SLC6A11: variants seen among roughly 807,000 people sequenced by gnomAD.
The protein encoded by SLC6A11 is sodium- and chloride-dependent GABA transporter 3.
A neutral mutation model predicts 74.8 loss-of-function variants in SLC6A11; 25 were observed. The observed-to-expected ratio is 0.33, with a 90% confidence interval of 0.24 to 0.47. The LOEUF is 0.47. Among genes scored for constraint, SLC6A11 ranks in the 20% least tolerant of loss-of-function variants. The pLI is 1.00. For missense variants in SLC6A11, 574 were observed against 837.0 expected, an observed-to-expected ratio of 0.69 and a Z score of 3.88; for synonymous variants, 330 against 330.2, an observed-to-expected ratio of 1.00 and a Z score of 0.01.
At chr3:10,821,825 A>G (rs893206544) in intron 3 of SLC6A11, among the ~76,000 whole-genome samples, 5 of 152,046 alleles carry the variant, frequency 3.3e-5, no homozygotes, top group African/African-American at 1.2e-4. Flanking sequence ...TAACTCTAGG[A>G]AGAAAAAATA....
chr3:10,908,500 A>C (rs1055731849), intron 6 of SLC6A11, among the ~76,000 whole-genome samples: 1 of 152,180 alleles, frequency 6.6e-6, no homozygotes, highest in African/African-American at 2.4e-5. Flanking sequence ...ATTTGAGAAC[A>C]TACCCTTAAA....
intron 5 of SLC6A11, among the ~76,000 whole-genome samples, chr3:10,853,142 G>T (rs1317669087): frequency 6.6e-6 from 1 of 152,200 alleles, no homozygotes; most frequent in Non-Finnish European, 1.5e-5. Flanking sequence ...GGATGATTGA[G>T]TCGGGTGAGC....
chr3:10,838,145 G>T (rs997985978), intron 4 of SLC6A11, among the ~76,000 whole-genome samples: 9 of 152,352 alleles, frequency 5.9e-5, no homozygotes, highest in Non-Finnish European at 1.3e-4. Context: ...CCCCAGGCTG[G>T]GCTGGGACCT....
At chr3:10,867,930 C>T (rs957280653) in intron 5 of SLC6A11, among the ~76,000 whole-genome samples, 1 of 152,130 alleles carries the variant, frequency 6.6e-6, no homozygotes, top group East Asian at 1.9e-4. Flanking sequence ...AGTTACTTTC[C>T]ATTTGCAGTA....
intron 10 of SLC6A11, 61 bp from the exon 11 acceptor site, chr3:10,933,090 G>T: frequency 8.3e-7 from 1 of 1,198,244 alleles, no homozygotes; most frequent in South Asian, 1.2e-5. Flanking sequence ...CCAGATGGCT[G>T]ACCCTGCTCT....
chr3:10,883,059 G>A (rs961436387), intron 6 of SLC6A11, among the ~76,000 whole-genome samples: 16 of 152,224 alleles, frequency 1.1e-4, no homozygotes, highest in African/African-American at 2.6e-4. Context: ...GGCGGGGGGC[G>A]GGGAGGTGGG....
rs1417326250 is a variant in SLC6A11, at chr3:10,915,732, C to G, written c.996-2597C>G. ...TCATGCATGGGGCTGGAAGGGACCTCAGGTCCCTAAAGAGCTTCTCTGTCT... is the reference window on the plus strand; with the variant it reads ...TCATGCATGGGGCTGGAAGGGACCTGAGGTCCCTAAAGAGCTTCTCTGTCT... On this transcript the variant is annotated intron_variant, in intron 7 of 13. Coordinates refer to ENST00000254488, the MANE Select transcript of SLC6A11 (RefSeq NM_014229.3). This position sits in a 1 kb window ranked among gnomAD's most constrained non-coding sequence, Gnocchi z 4.3. 6.6e-6 allele frequency among the ~76,000 whole-genome samples: 1 copy of G among 152,100 alleles called. No homozygotes were observed. Among genetic ancestry groups the G allele is most frequent in the African/African-American group, 2.4e-5 (1 of 41,418 alleles).
chr3:10,850,274 C>T (rs751561899), intron 5 of SLC6A11, among the ~76,000 whole-genome samples: 2 of 152,232 alleles, frequency 1.3e-5, no homozygotes, highest in Non-Finnish European at 2.9e-5. Context: ...AAAAATTTCA[C>T]TCCAGCCTTC....
chr3:10,896,128 T>C (rs980086225), intron 6 of SLC6A11, among the ~76,000 whole-genome samples: 1 of 152,226 alleles, frequency 6.6e-6, no homozygotes, highest in African/African-American at 2.4e-5. Flanking sequence ...TGTTGCAGCA[T>C]TTCTGGGACA....
chr3:10,848,712 A>T (rs1694536573), intron 5 of SLC6A11, among the ~76,000 whole-genome samples: 1 of 152,212 alleles, frequency 6.6e-6, no homozygotes, highest in South Asian at 2.1e-4. Context: ...TGAGGTTCAG[A>T]CAAGTAAGCA....
intron 6 of SLC6A11, among the ~76,000 whole-genome samples, chr3:10,909,028 G>T (rs973758222): frequency 6.7e-6 from 1 of 149,876 alleles, no homozygotes; most frequent in Non-Finnish European, 1.5e-5. Flanking sequence ...CTGCTTTCCT[G>T]TGTGTTGGCC....
intron 13 of SLC6A11, among the ~76,000 whole-genome samples, chr3:10,937,549 G>A (rs1695773170): frequency 6.6e-6 from 1 of 152,256 alleles, no homozygotes; most frequent in Admixed American, 6.5e-5. Context: ...TCCCAGCCTG[G>A]AGTCTTCTCC....
chr3:10,936,214 G>T (rs964923420), intron 13 of SLC6A11, among the ~76,000 whole-genome samples: 3 of 152,204 alleles, frequency 2.0e-5, no homozygotes, highest in African/African-American at 7.2e-5. Flanking sequence ...TCCTAGGGGG[G>T]TGGAGATTCT....
At chr3:10,893,426 G>A (rs1481952267) in intron 6 of SLC6A11, among the ~76,000 whole-genome samples, 1 of 152,150 alleles carries the variant, frequency 6.6e-6, no homozygotes, top group Non-Finnish European at 1.5e-5. Context: ...GATAATATCA[G>A]GAGTTCAGAG....
chr3:10,887,038 C>T (rs1190377718), intron 6 of SLC6A11, among the ~76,000 whole-genome samples: 1 of 152,158 alleles, frequency 6.6e-6, no homozygotes, highest in African/African-American at 2.4e-5. Flanking sequence ...ATGAGAGGCT[C>T]CCAGTCAGCA....
intron 4 of SLC6A11, chr3:10,825,355 G>C (rs1559552452): frequency 6.6e-6 from 1 of 152,116 alleles, no homozygotes; most frequent in Admixed American, 6.5e-5. Flanking sequence ...GTGAGGTTAA[G>C]CACCTTTTCA....
At chr3:10,932,149 G>A (rs112751660) in intron 10 of SLC6A11, among the ~76,000 whole-genome samples, 2,258 of 152,172 alleles carry the variant, frequency 0.015, 68 homozygotes, top group African/African-American at 0.051. Context: ...TCTGCAGCTG[G>A]TGTCCTCTCT....
Position 10,935,143 on chromosome 3 carries a change from T to C in SLC6A11, c.1690T>C (p.Cys564Arg). 6.2e-7 allele frequency: 1 copy of C among 1,614,232 alleles called. No individual in the cohort carries two copies. The highest frequency in any genetic ancestry group is 8.5e-7 in the Non-Finnish European group (1 of 1,180,034). Residue 564 changes from cysteine to arginine, a missense_variant, in exon 13 of 14, where the codon TGC (cysteine) becomes CGC (arginine). Around this residue, in one of 4 missense-constraint regions of SLC6A11, gnomAD observed 257 missense variants for 341.5 expected, o/e 0.75. Transcript: ENST00000254488. ...GCTCATGGCCCTGTCCTCCATGCTC[T>C]GCATCCCGCTCTGGATCTGCATCAC... ...GWLMALSSMLCIPLWICITVW... is the reference protein window; with the variant it reads ...GWLMALSSMLRIPLWICITVW...
chr3:10,825,428 C>T (rs925344322), intron 4 of SLC6A11: 13 of 152,078 alleles, frequency 8.5e-5, no homozygotes, highest in African/African-American at 1.2e-4. Flanking sequence ...GGTTTACATT[C>T]GTTTCTATTT....
Sources: gnomAD v4.1 joint callset for allele counts (sites outside exome capture counted in the v4.1 genomes callset) on GRCh38, gnomAD v4.1.1 for gene constraint, gnomAD v4.1.1 regional missense constraint, Gnocchi (gnomAD v3.1) non-coding constraint, MANE v1.5 for transcripts, NCBI Gene and HGNC (gene_info 2026-07-23, HGNC 2026-07-21) for gene names.